INPP4B: variants seen among roughly 807,000 people sequenced by gnomAD.
INPP4B encodes the protein inositol polyphosphate-4-phosphatase type II B, also known as inositol polyphosphate 4-phosphatase type II.
A neutral mutation model predicts 122.5 loss-of-function variants in INPP4B; 55 were observed. The ratio of observed to expected loss-of-function variants is 0.45; its 90% confidence interval spans 0.36 to 0.56. The LOEUF is 0.56. Among genes scored for constraint, INPP4B ranks in the 20% least tolerant of loss-of-function variants. INPP4B has a pLI of 0.00. For missense variants in INPP4B, 1,000 were observed against 1,097.7 expected (o/e 0.91, Z 1.26); for synonymous variants, 403 against 388.7 (o/e 1.04, Z -0.43).
intron 15 of INPP4B, among the ~76,000 whole-genome samples, chr4:142,188,840 T>C (rs1320308628): frequency 2.6e-5 from 4 of 152,200 alleles, no homozygotes; most frequent in Admixed American, 2.6e-4. Flanking sequence ...AGTCTGCTCA[T>C]TTGTTACTGG....
At chr4:142,627,724 T>C (rs1379838182) in intron 2 of INPP4B, among the ~76,000 whole-genome samples, 1 of 151,814 alleles carries the variant, frequency 6.6e-6, no homozygotes, top group African/African-American at 2.4e-5. Flanking sequence ...CTTTTTTGGT[T>C]GTGTCTCTGC....
intron 3 of INPP4B, among the ~76,000 whole-genome samples, chr4:142,431,737 T>C (rs1397917196): frequency 6.6e-6 from 1 of 152,132 alleles, no homozygotes; most frequent in Non-Finnish European, 1.5e-5. Flanking sequence ...CATTACCATG[T>C]TTTGGCAAGG....
At chr4:142,612,722 A>G (rs1742832868) in intron 2 of INPP4B, among the ~76,000 whole-genome samples, 1 of 152,136 alleles carries the variant, frequency 6.6e-6, no homozygotes, top group African/African-American at 2.4e-5. Context: ...TGAGGGCACT[A>G]ATCTCATTTG....
At chr4:142,408,514 C>T (rs936283950) in intron 5 of INPP4B, among the ~76,000 whole-genome samples, 2 of 152,158 alleles carry the variant, frequency 1.3e-5, no homozygotes, top group Admixed American at 6.5e-5. Context: ...GATCACACCA[C>T]TGCACTCCAG....
chr4:142,481,051 C>A (rs1820459661), intron 2 of INPP4B, among the ~76,000 whole-genome samples: 1 of 148,688 alleles, frequency 6.7e-6, no homozygotes, highest in Non-Finnish European at 1.5e-5. Context: ...AGGAGAATCA[C>A]TTGAACTCTG....
At chr4:142,843,011 T>G (rs1315556248) in intron 1 of INPP4B, among the ~76,000 whole-genome samples, 2 of 147,434 alleles carry the variant, frequency 1.4e-5, no homozygotes, top group African/African-American at 4.9e-5. Flanking sequence ...AATGTTTCTT[T>G]TAATCTACAA....
At chr4:142,254,636 A>G (rs1166815943) in intron 11 of INPP4B, among the ~76,000 whole-genome samples, 1 of 152,150 alleles carries the variant, frequency 6.6e-6, no homozygotes, top group African/African-American at 2.4e-5. Context: ...AAATGAAGTG[A>G]GAAGGGAAGT....
chr4:142,812,470 TAGC>T, intron 1 of INPP4B, among the ~76,000 whole-genome samples: 1 of 152,218 alleles, frequency 6.6e-6, no homozygotes, highest in Non-Finnish European at 1.5e-5. Flanking sequence ...TTAATAAATA[TAGC>T]TGTTTAACAA....
chr4:142,112,042 CA>C (rs149208884), intron 22 of INPP4B, among the ~76,000 whole-genome samples: 4 of 149,826 alleles, frequency 2.7e-5, no homozygotes, highest in Admixed American at 6.6e-5. Context: ...CCACGACCAG[CA>C]AAAAAAAAGT....
intron 1 of INPP4B, among the ~76,000 whole-genome samples, chr4:142,773,601 C>T (rs532326057): frequency 1.3e-5 from 2 of 152,256 alleles, no homozygotes; most frequent in South Asian, 4.1e-4. Context: ...GCAGCTTGAG[C>T]TTCAATGCAA....
At chr4:142,235,819 G>T (rs1478147511) in intron 12 of INPP4B, among the ~76,000 whole-genome samples, 1 of 151,934 alleles carries the variant, frequency 6.6e-6, no homozygotes, top group Non-Finnish European at 1.5e-5. Flanking sequence ...ATATATTTTG[G>T]GGATACATGT....
chr4:142,227,130 T>C (rs1231356193), intron 12 of INPP4B, among the ~76,000 whole-genome samples: 1 of 151,984 alleles, frequency 6.6e-6, no homozygotes, highest in African/African-American at 2.4e-5. Flanking sequence ...ATGCAACTGA[T>C]TACAAAGGGA....
intron 3 of INPP4B, among the ~76,000 whole-genome samples, chr4:142,447,873 T>C (rs116336768): frequency 1.9e-3 from 287 of 152,190 alleles, no homozygotes; most frequent in Non-Finnish European, 2.8e-3. Flanking sequence ...GAGGTAGCCC[T>C]TATGAGAATA....
intron 10 of INPP4B, among the ~76,000 whole-genome samples, chr4:142,263,643 T>A (rs1489245460): frequency 2.0e-5 from 1 of 50,220 alleles, no homozygotes; most frequent in East Asian, 1.1e-3. Context: ...TCGTAAAATA[T>A]ATATATATAT....
At chr4:142,498,427 CTG>C (rs1300206919) in intron 2 of INPP4B, among the ~76,000 whole-genome samples, 13 of 152,024 alleles carry the variant, frequency 8.6e-5, no homozygotes, top group South Asian at 2.1e-4. Context: ...TTGAAGATGA[CTG>C]TGATTTTGTG....
At chr4:142,098,050 C>T (rs1782760327) in intron 23 of INPP4B, among the ~76,000 whole-genome samples, 5 of 151,988 alleles carry the variant, frequency 3.3e-5, no homozygotes, top group Admixed American at 3.3e-4. Context: ...CAAGAGATTG[C>T]AATTTTAAAG....
Position 142,431,396 on chromosome 4 carries a change from T to C in INPP4B, c.-126-11A>G. On this transcript the variant is annotated splice_polypyrimidine_tract_variant and intron_variant, in intron 3 of 25. Coordinates refer to ENST00000262992, the MANE Select transcript of INPP4B (RefSeq NM_001101669.3). ...TCTGAAATTCTGTACCTAGGAAACA[T>C]CAAAAGTTAAAATTTCAGTCATATT... 2 of 647,928 alleles carry C rather than the reference T, an allele frequency of 3.1e-6. No homozygotes were observed. Among genetic ancestry groups the C allele is most frequent in the South Asian group, 1.9e-5 (1 of 51,734 alleles). 40.1% of individuals were successfully genotyped at this position (647,928 alleles called of 1,614,324 possible).
At chr4:142,162,843 C>G (rs983466279) in intron 16 of INPP4B, among the ~76,000 whole-genome samples, 6 of 151,842 alleles carry the variant, frequency 4.0e-5, no homozygotes, top group African/African-American at 1.5e-4. Flanking sequence ...ATAATAATAG[C>G]TAATCTTTCA....
At chr4:142,639,719 C>A (rs184550008) in intron 2 of INPP4B, among the ~76,000 whole-genome samples, 2 of 152,178 alleles carry the variant, frequency 1.3e-5, no homozygotes, top group East Asian at 3.9e-4. Context: ...GAGTTAGCTA[C>A]TCCTAGCTCT....
Sources: gnomAD v4.1 joint callset for allele counts (sites outside exome capture counted in the v4.1 genomes callset) on GRCh38, gnomAD v4.1.1 for gene constraint, MANE v1.5 for transcripts, NCBI Gene and HGNC (gene_info 2026-07-23, HGNC 2026-07-21) for gene names.